Variants in RPTOR observed in about 807,000 individuals in gnomAD.
The protein encoded by RPTOR is regulatory-associated protein of mTOR.
RPTOR carries 21 observed loss-of-function variants against 169.9 expected under a neutral mutation model. The ratio of observed to expected loss-of-function variants is 0.12; its 90% confidence interval spans 0.09 to 0.18. The LOEUF is 0.18. RPTOR is among the 10% of genes least tolerant of loss of function. The pLI is 1.00. For synonymous variants in RPTOR, 732 were observed against 753.2 expected, an observed-to-expected ratio of 0.97 and a Z score of 0.46; for missense variants, 1,133 against 1,855.9, an observed-to-expected ratio of 0.61 and a Z score of 7.16.
chr17:80,748,179 A>G (rs1281059974), intron 5 of RPTOR, among the ~76,000 whole-genome samples: 27 of 113,850 alleles, frequency 2.4e-4, no homozygotes, highest in South Asian at 3.0e-4. Flanking sequence ...GGGTGGATGG[A>G]GGGGCTGCGG....
At chr17:80,851,502 A>G (rs972453129) in intron 11 of RPTOR, among the ~76,000 whole-genome samples, 8 of 1,770 alleles carry the variant, frequency 4.5e-3, no homozygotes, top group African/African-American at 0.015. Flanking sequence ...ATGTTTGAGA[A>G]AAAAAAAACA....
At chr17:80,774,500 TG>T (rs1225875942) in intron 6 of RPTOR, among the ~76,000 whole-genome samples, 1 of 152,178 alleles carries the variant, frequency 6.6e-6, no homozygotes, top group African/African-American at 2.4e-5. Flanking sequence ...CCGTCTGGGG[TG>T]GACAGCTTCA....
At chr17:80,624,178 G>A (rs927451033) in intron 1 of RPTOR, among the ~76,000 whole-genome samples, 1 of 152,014 alleles carries the variant, frequency 6.6e-6, no homozygotes, top group Non-Finnish European at 1.5e-5. Flanking sequence ...CCAGGTCTTA[G>A]GAATAATCCT....
intron 3 of RPTOR, among the ~76,000 whole-genome samples, chr17:80,704,592 C>T (rs111769235): frequency 3.3e-5 from 5 of 152,194 alleles, no homozygotes; most frequent in Non-Finnish European, 7.3e-5. Flanking sequence ...TGACTTACAC[C>T]ACTTCAACCT....
intron 1 of RPTOR, among the ~76,000 whole-genome samples, chr17:80,557,143 A>G (rs975304859): frequency 1.3e-5 from 2 of 152,136 alleles, no homozygotes; most frequent in African/African-American, 4.8e-5. Flanking sequence ...ATGGATAAGA[A>G]CATGTCCTCA....
At chr17:80,678,272 A>G (rs1173354076) in intron 3 of RPTOR, among the ~76,000 whole-genome samples, 1 of 152,214 alleles carries the variant, frequency 6.6e-6, no homozygotes, top group Non-Finnish European at 1.5e-5. Context: ...TGGCGAAAGG[A>G]AGAAGAATCA....
chr17:80,871,290 T>G (rs2068049676), intron 13 of RPTOR, among the ~76,000 whole-genome samples: 1 of 152,124 alleles, frequency 6.6e-6, no homozygotes, highest in Non-Finnish European at 1.5e-5. Flanking sequence ...GTATTTTGTT[T>G]AGTAGAGACG....
chr17:80,637,890 C>T (rs1414769319), intron 2 of RPTOR, among the ~76,000 whole-genome samples: 1 of 152,228 alleles, frequency 6.6e-6, no homozygotes, highest in African/African-American at 2.4e-5. Flanking sequence ...GGCGGCGGCT[C>T]GTGGGTTTAC....
chr17:80,697,742 G>A (rs2066049420), intron 3 of RPTOR, among the ~76,000 whole-genome samples: 1 of 152,242 alleles, frequency 6.6e-6, no homozygotes, highest in Non-Finnish European at 1.5e-5. Flanking sequence ...GTGCTGGGCA[G>A]GGAGCCTGTT....
chr17:80,884,264 G>A (rs948160137), intron 16 of RPTOR, among the ~76,000 whole-genome samples: 22 of 152,202 alleles, frequency 1.4e-4, no homozygotes, highest in Admixed American at 5.2e-4. Flanking sequence ...GCCGCTCTGC[G>A]TCCTCACTGT....
At chr17:80,814,532 T>C (rs879152769) in intron 7 of RPTOR, among the ~76,000 whole-genome samples, 6 of 152,228 alleles carry the variant, frequency 3.9e-5, no homozygotes, top group Non-Finnish European at 7.3e-5. Context: ...TGAGTACTTT[T>C]AGTGAGTTTG....
intron 7 of RPTOR, among the ~76,000 whole-genome samples, chr17:80,808,876 C>G (rs1012645382): frequency 1.3e-5 from 2 of 152,128 alleles, no homozygotes; most frequent in African/African-American, 4.8e-5. Context: ...TTATAAGTAA[C>G]AGCCCGTCAC....
At chr17:80,587,369 T>C (rs563902733) in intron 1 of RPTOR, among the ~76,000 whole-genome samples, 42 of 152,396 alleles carry the variant, frequency 2.8e-4, no homozygotes, top group Non-Finnish European at 5.3e-4. Context: ...GCGGTTATTC[T>C]TGCTGTTGTC....
At chr17:80,887,330 C>T (rs2068260350) in intron 17 of RPTOR, among the ~76,000 whole-genome samples, 1 of 101,912 alleles carries the variant, frequency 9.8e-6, no homozygotes, top group Non-Finnish European at 1.8e-5. Context: ...TGTGCTGACT[C>T]TGGGGGGTGC....
intron 24 of RPTOR, among the ~76,000 whole-genome samples, chr17:80,939,704 T>A (rs1374465015): frequency 6.6e-6 from 1 of 152,186 alleles, no homozygotes; most frequent in African/African-American, 2.4e-5. Context: ...AGCTCCCTCA[T>A]CTTCCAGCCA....
chr17:80,866,116 GATATT>G lies in RPTOR; in HGVS notation c.1509+8220_1509+8224del, dbSNP rs1451934876. 5.3e-5 allele frequency among the ~76,000 whole-genome samples: 8 copies of G among 149,864 alleles called. No homozygotes were observed. In the Admixed American group the frequency reaches 5.3e-4, roughly 10 times the overall value. On this transcript the variant is annotated intron_variant, in intron 13 of 33. Transcript: ENST00000306801. ...TAAATATGTAATATTAAGATACATAGATATTATAAGTCGTGAATAACAAAGATTTA... is the reference window on the plus strand; with the variant it reads ...TAAATATGTAATATTAAGATACATAGATAAGTCGTGAATAACAAAGATTTA...
chr17:80,907,905 C>T (rs1164228172), intron 20 of RPTOR, among the ~76,000 whole-genome samples: 1 of 152,202 alleles, frequency 6.6e-6, no homozygotes, highest in Non-Finnish European at 1.5e-5. Context: ...CCACTGCTGA[C>T]AGAAGGAGTC....
intron 22 of RPTOR, 83 bp downstream of exon 22, chr17:80,922,910 ATCC>A: frequency 8.8e-7 from 1 of 1,137,666 alleles, no homozygotes; most frequent in Non-Finnish European, 1.3e-6. Flanking sequence ...CGGCCTCCCC[ATCC>A]TCCTCCTTCC....
At chr17:80,932,384 T>C (rs1212464793) in intron 24 of RPTOR, among the ~76,000 whole-genome samples, 3 of 151,906 alleles carry the variant, frequency 2.0e-5, no homozygotes, top group Admixed American at 2.0e-4. Context: ...CCCAAAAATA[T>C]AAGACAAACA....
Sources: allele counts gnomAD v4.1 joint callset (sites outside exome capture counted in the v4.1 genomes callset), GRCh38; gene constraint gnomAD v4.1.1; transcripts MANE v1.5; gene names NCBI Gene and HGNC (gene_info 2026-07-23, HGNC 2026-07-21).